MOB3B: variants seen among roughly 807,000 people sequenced by gnomAD.
The protein encoded by MOB3B is MOB kinase activator 3B, also known as MOB kinase activator-like 2B.
A neutral mutation model predicts 18.7 loss-of-function variants in MOB3B; 7 were observed. The ratio of observed to expected loss-of-function variants is 0.37; its 90% CI spans 0.21 to 0.70. The LOEUF is 0.70. Ranked by LOEUF, MOB3B falls within the 30% of genes least tolerant of loss-of-function variation. The probability of loss-of-function intolerance (pLI) is 0.52; values close to 1 mark genes in which losing one functional copy is unlikely to be tolerated. For synonymous variants in MOB3B, 111 were observed against 99.9 expected (o/e 1.11, Z -0.66); for missense variants, 253 against 281.3 (o/e 0.90, Z 0.72).
chr9:27,359,479 A>C (rs1821243285), intron 2 of MOB3B, among the ~76,000 whole-genome samples: 1 of 152,022 alleles, frequency 6.6e-6, no homozygotes, highest in African/African-American at 2.4e-5. Context: ...ATAGGGATGG[A>C]GGCCCAGTGT....
At chr9:27,388,220 C>CTA (rs1398679203) in intron 2 of MOB3B, among the ~76,000 whole-genome samples, 1 of 152,290 alleles carries the variant, frequency 6.6e-6, no homozygotes, top group South Asian at 2.1e-4. Context: ...TACCCAAGAG[C>CTA]TAATCTAGTT....
rs1819527515 is a variant in MOB3B at position 27,474,797 on chromosome 9, T to TA, written c.-198-19050dup. Reference sequence around the variant, plus strand: ...AAGATTTTGAAAAGAAATCCACTGTTATATATGAAATGTTAAAACATGCGT... The same window carrying TA: ...AAGATTTTGAAAAGAAATCCACTGTTAATATATGAAATGTTAAAACATGCGT... On this transcript the variant is annotated intron_variant, in intron 1 of 3. Coordinates refer to ENST00000262244, the MANE Select transcript of MOB3B (RefSeq NM_024761.5). Among the ~76,000 whole-genome samples the TA allele has an allele frequency of 2.6e-5, 4 of 152,340 alleles. No individual in the cohort carries two copies. The South Asian group carries it at 6.2e-4, about 24-fold the overall frequency.
chr9:27,359,366 A>T (rs969749826), intron 2 of MOB3B, 130 bp from the exon 3 acceptor site: 57 of 363,086 alleles, frequency 1.6e-4, no homozygotes, highest in Non-Finnish European at 2.3e-4. Context: ...AGTCATAGGG[A>T]GTGTGTGTGT....
rs377521897 is a variant in MOB3B at position 27,354,528 on chromosome 9, A to T, written c.621+4506T>A. Among the ~76,000 whole-genome samples the T allele has an allele frequency of 2.0e-5, 3 of 152,284 alleles. 1 individual carries two copies. The highest frequency in any genetic ancestry group is 6.5e-5 in the Admixed American group (1 of 15,300). On this transcript the variant is annotated intron_variant, in intron 3 of 3. Coordinates refer to ENST00000262244, the MANE Select transcript of MOB3B (RefSeq NM_024761.5). ...GCTTTTAATGTCTATTGCTAATCTG[A>T]CAGGATGAAGCATTAGTCCCAACAT... is the stretch of plus-strand genomic sequence containing the variant.
intron 1 of MOB3B, among the ~76,000 whole-genome samples, chr9:27,512,618 C>T: frequency 6.6e-6 from 1 of 152,134 alleles, no homozygotes; most frequent in East Asian, 1.9e-4. Context: ...TCTTGATTCA[C>T]CCTGTTAAAC....
intron 1 of MOB3B, among the ~76,000 whole-genome samples, chr9:27,487,587 C>A (rs914502634): frequency 6.6e-6 from 1 of 151,950 alleles, no homozygotes; most frequent in African/African-American, 2.4e-5. Flanking sequence ...GCCTGATGTA[C>A]CACGAGTAAT....
chr9:27,370,587 C>T lies in MOB3B; in HGVS notation c.419-11351G>A, dbSNP rs1324450590. ...ATAGCAAAAACTGCCATCTGTGAAA[C>T]AGGAAGCAAGGCCTCACCAGACACT... On this transcript the variant is annotated intron_variant, in intron 2 of 3. Coordinates refer to ENST00000262244, the MANE Select transcript of MOB3B (RefSeq NM_024761.5). Among the ~76,000 whole-genome samples the T allele has an allele frequency of 2.0e-5, 3 of 151,476 alleles. No individual in the cohort carries two copies. The Middle Eastern group carries it at 0.01, about 519-fold the overall frequency.
chr9:27,420,221 T>C (rs914130278), intron 2 of MOB3B, among the ~76,000 whole-genome samples: 1 of 152,072 alleles, frequency 6.6e-6, no homozygotes, highest in Non-Finnish European at 1.5e-5. Flanking sequence ...TGTAAACTAG[T>C]ACAGGCACTA....
At chr9:27,357,921 A>AG (rs1821217728) in intron 3 of MOB3B, among the ~76,000 whole-genome samples, 1 of 132,496 alleles carries the variant, frequency 7.5e-6, no homozygotes, top group Non-Finnish European at 1.6e-5. Context: ...AAAAAAAAAA[A>AG]TAGCCATGCC....
At chr9:27,389,981 G>T (rs1293334026) in intron 2 of MOB3B, among the ~76,000 whole-genome samples, 1 of 151,934 alleles carries the variant, frequency 6.6e-6, no homozygotes, top group Non-Finnish European at 1.5e-5. Context: ...AATAAAAGTT[G>T]TTACTTGGAA....
chr9:27,338,803 G>A (rs1164445577), intron 3 of MOB3B, among the ~76,000 whole-genome samples: 1 of 152,186 alleles, frequency 6.6e-6, no homozygotes, highest in Non-Finnish European at 1.5e-5. Flanking sequence ...ATAGCTGTAT[G>A]TATCAGAGGA....
intron 3 of MOB3B, among the ~76,000 whole-genome samples, chr9:27,341,416 A>G (rs568994254): frequency 6.6e-6 from 1 of 152,138 alleles, no homozygotes; most frequent in Non-Finnish European, 1.5e-5. Flanking sequence ...TAAGACCTCT[A>G]TTGTGTGTCT....
chr9:27,357,231 A>G (rs1163823495), intron 3 of MOB3B, among the ~76,000 whole-genome samples: 2 of 146,682 alleles, frequency 1.4e-5, no homozygotes, highest in South Asian at 2.2e-4. Context: ...GAAATTCACC[A>G]TCTTCTTTGC....
rs1357517560 is a variant in MOB3B at position 27,328,348 on chromosome 9, G to T, written c.*2239C>A. 2.0e-5 allele frequency: 3 copies of T among 150,486 alleles called. No homozygotes were observed. The East Asian group carries it at 5.9e-4, about 30-fold the overall frequency. 9.3% of individuals were successfully genotyped at this position (150,486 alleles called of 1,614,324 possible). A position where few individuals can be genotyped will look rare whatever the true frequency, so the allele number is the denominator to read the frequency against. ...AAATTGACTGCAGAGATTTTCTTCA[G>T]AATGTGCCAAAGTTCTGTGGGAACA... On this transcript the variant is annotated 3_prime_UTR_variant, in exon 4 of 4. Transcript: ENST00000262244.
intron 2 of MOB3B, among the ~76,000 whole-genome samples, chr9:27,435,316 T>A (rs1180903507): frequency 6.6e-6 from 1 of 152,198 alleles, no homozygotes; most frequent in East Asian, 1.9e-4. Flanking sequence ...TCTGGGGTTT[T>A]CCCCATGTGT....
At chr9:27,376,355 T>G (rs1371275004) in intron 2 of MOB3B, among the ~76,000 whole-genome samples, 1 of 152,264 alleles carries the variant, frequency 6.6e-6, no homozygotes, top group East Asian at 1.9e-4. Flanking sequence ...CTTTGCATTA[T>G]ACTCCACAAT....
At chr9:27,478,821 AC>A (rs1285197110) in intron 1 of MOB3B, among the ~76,000 whole-genome samples, 86 of 150,756 alleles carry the variant, frequency 5.7e-4, no homozygotes, top group Non-Finnish European at 9.6e-4. Flanking sequence ...ACACACACAC[AC>A]ACACACACAC....
intron 2 of MOB3B, among the ~76,000 whole-genome samples, chr9:27,393,837 T>G (rs1043694927): frequency 6.6e-6 from 1 of 152,038 alleles, no homozygotes; most frequent in African/African-American, 2.4e-5. Flanking sequence ...TCTGTGGAAA[T>G]CCAGAATCCA....
At chr9:27,506,618 G>C (rs112153032) in intron 1 of MOB3B, among the ~76,000 whole-genome samples, 1 of 150,990 alleles carries the variant, frequency 6.6e-6, no homozygotes, top group African/African-American at 2.4e-5. Context: ...TGCAACTTCC[G>C]CCTCCTGGAT....
Sources: gnomAD v4.1 joint callset for allele counts (sites outside exome capture counted in the v4.1 genomes callset) on GRCh38, gnomAD v4.1.1 for gene constraint, MANE v1.5 for transcripts, NCBI Gene and HGNC (gene_info 2026-07-23, HGNC 2026-07-21) for gene names.